Variants in AGO2 observed in about 807,000 individuals in gnomAD.
The protein encoded by AGO2 is argonaute RISC catalytic component 2.
A neutral mutation model predicts 102.3 loss-of-function variants in AGO2; 5 were observed. That is an observed-to-expected ratio of 0.05 (90% CI 0.03 to 0.10). AGO2 has a LOEUF of 0.10. Ranked by LOEUF, AGO2 falls within the 10% of genes least tolerant of loss-of-function variation. The pLI, the probability that AGO2 is intolerant of heterozygous loss-of-function variation, is 1.00. For synonymous variants in AGO2, 449 were observed against 473.1 expected (o/e 0.95, Z 0.66); for missense variants, 541 against 1,183.7 (o/e 0.46, Z 7.97).
At chr8:140,630,285 C>A (rs186075260) in intron 1 of AGO2, among the ~76,000 whole-genome samples, 34 of 152,336 alleles carry the variant, frequency 2.2e-4, no homozygotes, top group African/African-American at 7.0e-4. Flanking sequence ...GTTCTTGTGT[C>A]TGCCTTTCGT....
rs767491108 is a variant in AGO2, at chr8:140,556,015, G to A, written c.1150C>T (p.Arg384Ter). Residue 384 changes from arginine to a stop codon, truncating the protein, a stop_gained, in exon 10 of 19, where the codon CGA becomes TGA. Transcript: ENST00000220592. LOFTEE classifies it high-confidence loss of function. ...GGATCTGTGTTGAAACTTGCACTTC[G>A]CATCTGGCAAAGGGAAACAAGAAAA... The part of the protein sequence containing the change: ...DRQEEISKLM[R>*]SASFNTDPYV... 2 of 1,614,098 alleles carry A rather than the reference G, an allele frequency of 1.2e-6. No individual in the cohort carries two copies. Among genetic ancestry groups the A allele is most frequent in the South Asian group, 1.1e-5 (1 of 91,082 alleles).
Position 140,562,644 on chromosome 8 carries a change from T to A in AGO2, c.337-10A>T, listed in dbSNP as rs770824028. The stretch of plus-strand genomic sequence containing the variant: ...TGACCTCCAGCTCCACCTGCGAGGA[T>A]CCAAGGCACACAAGGTTACTCCCTC... On this transcript the variant is annotated splice_polypyrimidine_tract_variant and intron_variant, in intron 3 of 18. Transcript: ENST00000220592. The A allele has an allele frequency of 6.8e-6, 11 of 1,611,820 alleles. No individual in the cohort carries two copies. The highest frequency in any genetic ancestry group is 8.5e-6 in the Non-Finnish European group (10 of 1,178,896).
chr8:140,615,841 TG>T (rs1022679737), intron 1 of AGO2, among the ~76,000 whole-genome samples: 2 of 152,252 alleles, frequency 1.3e-5, no homozygotes, highest in African/African-American at 4.8e-5. Flanking sequence ...TCTGTCTCTC[TG>T]GGGCTTTGTT....
In AGO2 at chr8:140,614,433, C is replaced by A. The variant is rs186711016; in HGVS notation, c.22+21052G>T. 1.7e-3 allele frequency among the ~76,000 whole-genome samples: 259 copies of A among 152,334 alleles called. 1 individual carries two copies. The highest frequency in any genetic ancestry group is 5.3e-3 in the African/African-American group (220 of 41,578). On this transcript the variant is annotated intron_variant, in intron 1 of 18. Coordinates refer to ENST00000220592, the MANE Select transcript of AGO2 (RefSeq NM_012154.5). ...TCTTTAATGAAAACACTGGGAAATC[C>A]AAACCCACTAAATTCTGAGCCAATC... is the stretch of plus-strand genomic sequence containing the variant.
chr8:140,578,263 G>T (rs1304978897), intron 2 of AGO2, among the ~76,000 whole-genome samples: 1 of 152,222 alleles, frequency 6.6e-6, no homozygotes, highest in Non-Finnish European at 1.5e-5. Context: ...CACGTATTTG[G>T]CAGTTAATTT....
intron 1 of AGO2, among the ~76,000 whole-genome samples, chr8:140,621,070 T>C (rs192570890): frequency 1.5e-4 from 23 of 152,268 alleles, no homozygotes; most frequent in South Asian, 8.3e-4. Flanking sequence ...AGAAGTTCTA[T>C]GGGCAGCAGC....
At chr8:140,633,016 G>A (rs1026950018) in intron 1 of AGO2, among the ~76,000 whole-genome samples, 7 of 151,550 alleles carry the variant, frequency 4.6e-5, no homozygotes, top group Non-Finnish European at 1.0e-4. Flanking sequence ...GGGTTCAAGC[G>A]ATTCTCCTGC....
chr8:140,640,338 AT>A (rs926983978), upstream of AGO2, among the ~76,000 whole-genome samples: 8 of 150,818 alleles, frequency 5.3e-5, no homozygotes, highest in Non-Finnish European at 1.2e-4. Flanking sequence ...TTGTTTTATT[AT>A]TTTTTTTCTT....
chr8:140,572,839 G>C lies in AGO2; in HGVS notation c.309C>G (p.Ala103=), dbSNP rs2073403371. Residue 103 remains alanine, a synonymous_variant, in exon 3 of 19, where the codon GCC becomes GCG. Coordinates refer to ENST00000220592, the MANE Select transcript of AGO2 (RefSeq NM_012154.5). ...VFDGRKNLYT[A]MPLPIGRDKV... is the part of the protein sequence containing the mutation. ...TGTCCCTCCCAATCGGAAGGGGCAT[G>C]GCTGTGTATAGATTCTTCCTGCCGT... is the stretch of plus-strand genomic sequence containing the variant. The C allele has an allele frequency of 1.2e-6, 2 of 1,613,896 alleles. No homozygotes were observed. Among genetic ancestry groups the C allele is most frequent in the African/African-American group, 2.7e-5 (2 of 74,888 alleles).
intron 2 of AGO2, among the ~76,000 whole-genome samples, chr8:140,583,081 G>A (rs1384388393): frequency 3.9e-5 from 6 of 152,202 alleles, no homozygotes; most frequent in Non-Finnish European, 7.3e-5. Context: ...CAGAAAAAAA[G>A]GAGAGAAAGA....
Position 140,595,851 on chromosome 8 carries a change from T to TAA in AGO2, c.23-10541_23-10540insTT, listed in dbSNP as rs1564106910. ...ATTATATACAATTGTATATATTATA[T>TAA]TTATATTATATACAATTGTATATTA... On this transcript the variant is annotated intron_variant, in intron 1 of 18. Coordinates refer to ENST00000220592, the MANE Select transcript of AGO2 (RefSeq NM_012154.5). 2.0e-3 allele frequency among the ~76,000 whole-genome samples: 52 copies of TAA among 25,900 alleles called. 10 individuals carry two copies. The highest frequency in any genetic ancestry group is 0.01 in the African/African-American group (48 of 4,632). The allele number at this position is 25,900 out of a possible 152,430, so 17.0% of individuals were successfully genotyped here.
At chr8:140,544,525 T>G (rs2072861089) in intron 13 of AGO2, among the ~76,000 whole-genome samples, 1 of 151,978 alleles carries the variant, frequency 6.6e-6, no homozygotes, top group Non-Finnish European at 1.5e-5. Flanking sequence ...TTGGGTGGAG[T>G]GTACTCCAGA....
At chr8:140,571,677 A>G (rs1460169035) in intron 3 of AGO2, among the ~76,000 whole-genome samples, 1 of 152,228 alleles carries the variant, frequency 6.6e-6, no homozygotes, top group African/African-American at 2.4e-5. Flanking sequence ...AGAGGGAATC[A>G]GCCTTTCATT....
chr8:140,621,660 G>C (rs2074219021), intron 1 of AGO2, among the ~76,000 whole-genome samples: 1 of 152,122 alleles, frequency 6.6e-6, no homozygotes, highest in Non-Finnish European at 1.5e-5. Context: ...ATGAAGAAAT[G>C]AACACATCTA....
chr8:140,577,207 CAAAAAAAAAAA>C (rs10661844), intron 2 of AGO2, among the ~76,000 whole-genome samples: 1 of 70,752 alleles, frequency 1.4e-5, no homozygotes, highest in Non-Finnish European at 2.5e-5. Context: ...GACTCCATCT[CAAAAAAAAAAA>C]AAAAAAAAAA....
intron 2 of AGO2, among the ~76,000 whole-genome samples, chr8:140,573,977 C>T (rs1399825316): frequency 2.0e-5 from 3 of 152,230 alleles, no homozygotes; most frequent in African/African-American, 7.2e-5. Flanking sequence ...CCTCAGCCCA[C>T]TTGCAGAGCC....
At chr8:140,560,594 C>T in intron 4 of AGO2, 84 bp from the exon 5 acceptor site, 1 of 1,475,590 alleles carries the variant, frequency 6.8e-7, no homozygotes, top group Non-Finnish European at 9.2e-7. Context: ...TTCGCCTGCG[C>T]CCACCACACC....
chr8:140,584,998 G>T, intron 2 of AGO2, 121 bp downstream of exon 2: 1 of 950,186 alleles, frequency 1.1e-6, no homozygotes, highest in Non-Finnish European at 1.5e-6. Context: ...AGCAAATGCA[G>T]CTGAAACGTT....
chr8:140,623,398 T>C (rs1380092071), intron 1 of AGO2, among the ~76,000 whole-genome samples: 1 of 152,138 alleles, frequency 6.6e-6, no homozygotes, highest in Non-Finnish European at 1.5e-5. Flanking sequence ...TACACGCCAC[T>C]GAATTGTTCA....
Sources: gnomAD v4.1 joint callset for allele counts (sites outside exome capture counted in the v4.1 genomes callset) on GRCh38, gnomAD v4.1.1 for gene constraint, MANE v1.5 for transcripts, NCBI Gene and HGNC (gene_info 2026-07-23, HGNC 2026-07-21) for gene names.